MGAT4D: variants seen among roughly 807,000 people sequenced by gnomAD.
The protein encoded by MGAT4D is alpha-1,3-mannosyl-glycoprotein 4-beta-N-acetylglucosaminyltransferase-like protein MGAT4D.
A neutral mutation model predicts 15.9 loss-of-function variants in MGAT4D; 34 were observed. The ratio of observed to expected loss-of-function variants is 2.14; its 90% CI spans 1.62 to 2.84. The LOEUF (loss-of-function observed/expected upper bound fraction) is 2.84. MGAT4D is among the 30% of genes most tolerant of loss of function. MGAT4D has a pLI of 0.00. For synonymous variants in MGAT4D, 112 were observed against 48.2 expected (o/e 2.33, Z -5.49); for missense variants, 327 against 140.2 (o/e 2.33, Z -6.73).
chr4:140,485,586 A>C (rs1452254051), intron 1 of MGAT4D, among the ~76,000 whole-genome samples: 1 of 151,436 alleles, frequency 6.6e-6, no homozygotes, highest in Non-Finnish European at 1.5e-5. Flanking sequence ...TTTTATTAAA[A>C]AAATTAAAAA....
intron 2 of MGAT4D, 79 bp from the exon 3 acceptor site, chr4:140,479,706 GT>G (rs1349555676): frequency 1.7e-5 from 6 of 363,198 alleles, no homozygotes; most frequent in Non-Finnish European, 2.9e-5. Flanking sequence ...TCAAAGAGGT[GT>G]TAATAAACTC....
intron 10 of MGAT4D, among the ~76,000 whole-genome samples, chr4:140,447,974 G>T (rs1730239011): frequency 6.6e-6 from 1 of 152,132 alleles, no homozygotes; most frequent in African/African-American, 2.4e-5. Context: ...GCTTAGTTTG[G>T]CTGGATATGA....
chr4:140,466,725 C>T (rs1260872863), intron 5 of MGAT4D, among the ~76,000 whole-genome samples: 1 of 152,030 alleles, frequency 6.6e-6, no homozygotes, highest in Non-Finnish European at 1.5e-5. Context: ...TTAATATTGG[C>T]TTGCACGGTT....
intron 5 of MGAT4D, among the ~76,000 whole-genome samples, chr4:140,470,727 C>A (rs1053607690): frequency 6.6e-6 from 1 of 152,214 alleles, no homozygotes; most frequent in Admixed American, 6.5e-5. Flanking sequence ...AGAATGTCTA[C>A]TTATTCCTTC....
intron 7 of MGAT4D, among the ~76,000 whole-genome samples, chr4:140,460,870 A>G (rs1731128276): frequency 6.6e-6 from 1 of 152,178 alleles, no homozygotes; most frequent in Non-Finnish European, 1.5e-5. Flanking sequence ...AAACATTCAG[A>G]CCATAGCTAA....
At chr4:140,485,660 G>A (rs1361081157) in intron 1 of MGAT4D, among the ~76,000 whole-genome samples, 1 of 150,524 alleles carries the variant, frequency 6.6e-6, no homozygotes, top group Non-Finnish European at 1.5e-5. Context: ...AAGTCAGTAT[G>A]TTGGATGGAT....
chr4:140,478,139 C>G (rs1054914208), intron 3 of MGAT4D, among the ~76,000 whole-genome samples: 2 of 152,116 alleles, frequency 1.3e-5, no homozygotes, highest in Non-Finnish European at 1.5e-5. Context: ...AGGATAAATA[C>G]GTACACCATG....
intron 5 of MGAT4D, among the ~76,000 whole-genome samples, chr4:140,466,468 G>A (rs2126753584): frequency 6.6e-6 from 1 of 152,194 alleles, no homozygotes; most frequent in South Asian, 2.1e-4. Flanking sequence ...GCATAGAAAA[G>A]ACATTTGCTC....
At chr4:140,483,346 A>G (rs1732870368) in intron 1 of MGAT4D, among the ~76,000 whole-genome samples, 1 of 152,208 alleles carries the variant, frequency 6.6e-6, no homozygotes, top group Non-Finnish European at 1.5e-5. Flanking sequence ...ACTGAAAACT[A>G]TATAATCTGG....
chr4:140,452,321 A>G (rs572038257), intron 9 of MGAT4D, among the ~76,000 whole-genome samples: 1 of 152,262 alleles, frequency 6.6e-6, no homozygotes, highest in African/African-American at 2.4e-5. Flanking sequence ...TTTACATAAC[A>G]CATTTATTTA....
At chr4:140,490,095 T>C (rs190051668) in intron 1 of MGAT4D, among the ~76,000 whole-genome samples, 2 of 152,328 alleles carry the variant, frequency 1.3e-5, no homozygotes, top group African/African-American at 4.8e-5. Flanking sequence ...AATTTCCTGA[T>C]TTAAGGAACA....
At chr4:140,482,520 TA>T in intron 1 of MGAT4D, 35 bp from the exon 2 acceptor site, 1 of 578,684 alleles carries the variant, frequency 1.7e-6, no homozygotes, top group Non-Finnish European at 3.0e-6. Context: ...TTTGTACATG[TA>T]GCAATGGTGT....
chr4:140,474,395 T>C (rs1578686255), intron 4 of MGAT4D, among the ~76,000 whole-genome samples: 1 of 152,212 alleles, frequency 6.6e-6, no homozygotes, highest in Admixed American at 6.5e-5. Flanking sequence ...ATCATAGGTG[T>C]TGTTGCTTAA....
At chr4:140,474,299 T>G (rs953558814) in intron 4 of MGAT4D, among the ~76,000 whole-genome samples, 1 of 152,140 alleles carries the variant, frequency 6.6e-6, no homozygotes, top group Admixed American at 6.6e-5. Context: ...ATCAGGACAG[T>G]AATAGCTACC....
At chr4:140,475,913 G>A (rs1033870706) in intron 3 of MGAT4D, among the ~76,000 whole-genome samples, 2 of 147,990 alleles carry the variant, frequency 1.4e-5, no homozygotes, top group African/African-American at 5.0e-5. Context: ...CCGGGTTCAA[G>A]CTATTCTCCT....
At chr4:140,478,187 A>T (rs771709085) in intron 3 of MGAT4D, among the ~76,000 whole-genome samples, 4 of 152,270 alleles carry the variant, frequency 2.6e-5, no homozygotes, top group Non-Finnish European at 5.9e-5. Flanking sequence ...TTAGAAAATT[A>T]TTCTGGATTT....
At chr4:140,457,800 A>G (rs1195562120) in intron 8 of MGAT4D, 1 of 152,180 alleles carries the variant, frequency 6.6e-6, no homozygotes, top group Non-Finnish European at 1.5e-5. Flanking sequence ...CTAATCCATC[A>G]GCAAGATTAC....
chr4:140,444,945 G>A (rs950301708), intron 10 of MGAT4D, among the ~76,000 whole-genome samples: 6 of 151,394 alleles, frequency 4.0e-5, no homozygotes, highest in Non-Finnish European at 4.4e-5. Flanking sequence ...GCAATGGTGC[G>A]ATCTTGGCCC....
chr4:140,471,271 CTTCCTTCCTTCCTTCT>C (rs1731937392), intron 5 of MGAT4D, among the ~76,000 whole-genome samples: 1 of 126,656 alleles, frequency 7.9e-6, no homozygotes, highest in African/African-American at 3.2e-5. Context: ...TCCTTCCTTC[CTTCCTTCCTTCCTTCT>C]CTCTCTTTTC....
Sources: gnomAD v4.1 joint callset for allele counts (sites outside exome capture counted in the v4.1 genomes callset) on GRCh38, gnomAD v4.1.1 for gene constraint, MANE v1.5 for transcripts, NCBI Gene and HGNC (gene_info 2026-07-23, HGNC 2026-07-21) for gene names.